SSH1: variants seen among roughly 807,000 people sequenced by gnomAD.
SSH1 encodes the protein protein phosphatase Slingshot homolog 1.
Under a neutral mutation model 79.7 loss-of-function variants are expected in SSH1, and 43 were observed. The ratio of observed to expected loss-of-function variants is 0.54; its 90% CI spans 0.42 to 0.70. SSH1 has a LOEUF of 0.70. Ranked by LOEUF, SSH1 falls within the 30% of genes least tolerant of loss-of-function variation. The pLI, the probability that SSH1 is intolerant of heterozygous loss-of-function variation, is 0.00. For synonymous variants in SSH1, 599 were observed against 538.3 expected (o/e 1.11, Z -1.56); for missense variants, 1,206 against 1,358.8 (o/e 0.89, Z 1.77).
At chr12:108,791,936 TTA>T (rs542500827) in intron 14 of SSH1, 244 of 1,305,702 alleles carry the variant, frequency 1.9e-4, no homozygotes, top group Admixed American at 1.5e-3. Context: ...GGCTGATAAA[TTA>T]TATGTTTTAA....
Position 108,807,886 on chromosome 12 carries a change from T to C in SSH1, c.537-59A>G. 1 of 1,524,810 alleles carries C rather than the reference T, an allele frequency of 6.6e-7. No individual in the cohort carries two copies. Among genetic ancestry groups the C allele is most frequent in the Admixed American group, 1.7e-5 (1 of 58,732 alleles). The allele number at this position is 1,524,810 out of a possible 1,614,324, so 94.5% of individuals were successfully genotyped here. The stretch of plus-strand genomic sequence containing the variant: ...AAGGCACAAGAGATGCAGGGTTTTC[T>C]CCTCTGACAAAGGGGTTCAAATACG... On this transcript the variant is annotated intron_variant, in intron 7 of 14. Coordinates refer to ENST00000326495, the MANE Select transcript of SSH1 (RefSeq NM_018984.4). The surrounding 1 kb of genome is among the most constrained non-coding windows in gnomAD (Gnocchi z 5.2).
Position 108,817,661 on chromosome 12 carries a change from C to T in SSH1, c.280-502G>A, listed in dbSNP as rs553153504. On this transcript the variant is annotated intron_variant, in intron 4 of 14. Transcript: ENST00000326495. ...TTTCTCTCTGTAGCACCAGGGACGC[C>T]GCCTGGCTCAGAGGAATCACCCAAA... Among the ~76,000 whole-genome samples the T allele has an allele frequency of 5.5e-4, 83 of 152,282 alleles. 1 individual carries two copies. Among genetic ancestry groups the T allele is most frequent in the East Asian group, 1.2e-3 (6 of 5,180 alleles).
Position 108,781,648 on chromosome 12 carries a change from C to T in SSH1, c.*6340G>A, listed in dbSNP as rs908379051. ...TGTGACAGTTAGTGCTCACCAAATA[C>T]ATGTGCCCCATACATTTCCCAGTCT... On this transcript the variant is annotated 3_prime_UTR_variant, in exon 15 of 15. Transcript: ENST00000326495. 9 of 152,198 alleles carry T rather than the reference C, an allele frequency of 5.9e-5. No homozygotes were observed. Among genetic ancestry groups the T allele is most frequent in the African/African-American group, 2.2e-4 (9 of 41,454 alleles). The allele number at this position is 152,198 out of a possible 1,614,324, so 9.4% of individuals were successfully genotyped here.
At chr12:108,826,605 A>T (rs1033210660) in intron 2 of SSH1, among the ~76,000 whole-genome samples, 1 of 152,108 alleles carries the variant, frequency 6.6e-6, no homozygotes, top group African/African-American at 2.4e-5. Flanking sequence ...CAAGATGCAG[A>T]AAGTCTCTGT....
Position 108,806,384 on chromosome 12 carries a change from C to T in SSH1, c.742G>A (p.Gly248Arg), listed in dbSNP as rs748429256. The change falls in exon 9 of 15, where the codon GGG becomes AGG. Residue 248 changes from glycine to arginine, a missense_variant. By Grantham distance (125) the Gly-to-Arg change is moderately radical (BLOSUM62 -2). Around this residue, in one of 5 missense-constraint regions of SSH1, gnomAD observed 116 missense variants for 109.0 expected, o/e 1.06. Transcript: ENST00000326495. ...TTGATGAGGCGCTCGGTCCTTTCCC[C>T]TTCAGTGGGCCTGGAAAGAAATGAC... The part of the protein sequence containing the change: ...PALFVDKPTE[G>R]ERTERLIKAK... 3 of 1,614,164 alleles carry T rather than the reference C, an allele frequency of 1.9e-6. No homozygotes were observed. Among genetic ancestry groups the T allele is most frequent in the Admixed American group, 1.7e-5 (1 of 60,024 alleles).
intron 13 of SSH1, among the ~76,000 whole-genome samples, chr12:108,798,763 A>G (rs2137020556): frequency 6.6e-6 from 1 of 152,362 alleles, no homozygotes; most frequent in East Asian, 1.9e-4. Context: ...CAGCAAAACC[A>G]GCTTTATGTG....
Position 108,852,975 on chromosome 12 carries a change from G to A in SSH1, c.70-297C>T, listed in dbSNP as rs2039074556. On this transcript the variant is annotated intron_variant, in intron 1 of 14. Coordinates refer to ENST00000326495, the MANE Select transcript of SSH1 (RefSeq NM_018984.4). ...TGTTGTTACCCAGCACGGTCTTTTA[G>A]CCCTCAGCCCTCAACTTTCCGAGGT... The A allele has an allele frequency of 3.0e-6, 3 of 985,344 alleles. No homozygotes were observed. The South Asian group carries it at 1.4e-4, about 46-fold the overall frequency. The allele number at this position is 985,344 out of a possible 1,614,324, so 61.0% of individuals were successfully genotyped here. A position where few individuals can be genotyped will look rare whatever the true frequency, so the allele number is the denominator to read the frequency against.
rs140493235 is a variant in SSH1, at chr12:108,823,288, G to A, written c.184C>T (p.Arg62Trp). 31 of 1,589,646 alleles carry A rather than the reference G, an allele frequency of 2.0e-5. No individual in the cohort carries two copies. In the African/African-American group the frequency reaches 2.0e-4, roughly 10 times the overall value. ...TGCTTGTGGGGGTGCTGAAGACTCC[G>A]CTGGCCTTGAGGGCTGCTTCCCTGT... is the stretch of plus-strand genomic sequence containing the variant. The part of the protein sequence containing the change: ...LQQGSSPQGQ[R>W]SLQHPHKHAG... Residue 62 changes from arginine to tryptophan, a missense_variant, in exon 3 of 15, where the codon CGG (arginine) becomes TGG (tryptophan). Arg to Trp is a moderately radical substitution (Grantham distance 101). This residue lies in a region of SSH1 where 100 missense variants were observed against 82.3 expected (regional missense o/e 1.21). Transcript: ENST00000326495.
At chr12:108,813,276 A>G (rs2037711550) in intron 5 of SSH1, among the ~76,000 whole-genome samples, 1 of 152,210 alleles carries the variant, frequency 6.6e-6, no homozygotes. Flanking sequence ...GCGGGAACAG[A>G]GAAGCCAGAT....
intron 2 of SSH1, among the ~76,000 whole-genome samples, chr12:108,843,347 C>T (rs1398822174): frequency 6.6e-6 from 1 of 152,182 alleles, no homozygotes; most frequent in Non-Finnish European, 1.5e-5. Context: ...ACTCAACTTA[C>T]AAGACCTCTA....
chr12:108,806,909 T>C (rs1020072224), intron 8 of SSH1, among the ~76,000 whole-genome samples: 5 of 152,344 alleles, frequency 3.3e-5, no homozygotes, highest in Middle Eastern at 3.4e-3. Context: ...CAAAGGCAAC[T>C]ACCCTTCCTC....
intron 2 of SSH1, among the ~76,000 whole-genome samples, chr12:108,847,139 T>C (rs1284135323): frequency 6.6e-6 from 1 of 152,138 alleles, no homozygotes; most frequent in Non-Finnish European, 1.5e-5. Flanking sequence ...GCTCAAGCAA[T>C]CCACTCACCT....
At chr12:108,825,683 G>A (rs2038284213) in intron 2 of SSH1, among the ~76,000 whole-genome samples, 1 of 152,140 alleles carries the variant, frequency 6.6e-6, no homozygotes, top group South Asian at 2.1e-4. Context: ...CCCTCTCACA[G>A]GCATATATTT....
At chr12:108,792,265 T>C (rs972543109) in intron 14 of SSH1, 21 bp downstream of exon 14, 44 of 1,614,042 alleles carry the variant, frequency 2.7e-5, no homozygotes, top group Non-Finnish European at 3.6e-5. Flanking sequence ...TGTGCCACCC[T>C]GCAGGCCGGG....
chr12:108,826,080 TA>T (rs755068548), intron 2 of SSH1: 38,299 of 289,132 alleles, frequency 0.13, no homozygotes, highest in South Asian at 0.24. Context: ...TTCATGAGAT[TA>T]AAAAAAAAAA....
intron 2 of SSH1, among the ~76,000 whole-genome samples, chr12:108,835,351 T>C (rs977028317): frequency 1.3e-5 from 2 of 151,958 alleles, no homozygotes; most frequent in African/African-American, 2.4e-5. Flanking sequence ...CAAGAATCAC[T>C]CGAACCCAGG....
chr12:108,852,583 A>G (rs2039064774), intron 2 of SSH1, 55 bp downstream of exon 2: 2 of 1,605,000 alleles, frequency 1.2e-6, no homozygotes, highest in Non-Finnish European at 1.7e-6. Context: ...GAACAAGAGC[A>G]TTCCTTACCT....
chr12:108,798,324 G>T (rs1438637849), intron 13 of SSH1, among the ~76,000 whole-genome samples: 1 of 152,210 alleles, frequency 6.6e-6, no homozygotes, highest in Non-Finnish European at 1.5e-5. Context: ...CACCACACCT[G>T]ACCTCAGTGT....
At chr12:108,842,222 G>A (rs2038794905) in intron 2 of SSH1, among the ~76,000 whole-genome samples, 1 of 152,134 alleles carries the variant, frequency 6.6e-6, no homozygotes, top group Non-Finnish European at 1.5e-5. Flanking sequence ...AATAAAACCC[G>A]AGTTAAACCA....
Sources: allele counts gnomAD v4.1 joint callset (sites outside exome capture counted in the v4.1 genomes callset), GRCh38; gene constraint gnomAD v4.1.1; regional missense constraint gnomAD v4.1.1; non-coding constraint Gnocchi (gnomAD v3.1); transcripts MANE v1.5; gene names NCBI Gene and HGNC (gene_info 2026-07-23, HGNC 2026-07-21).